The following SERPINF1 variants were observed in gnomAD, a reference collection of about 807,000 sequenced individuals.
SERPINF1 encodes pigment epithelium-derived factor.
Under a neutral mutation model 37.3 loss-of-function variants are expected in SERPINF1, and 29 were observed. The observed-to-expected ratio is 0.78, with a 90% CI of 0.58 to 1.06. The LOEUF (loss-of-function observed/expected upper bound fraction) is 1.06, where lower values mean the gene tolerates loss of function less well. Among genes scored for constraint, SERPINF1 ranks in the 50% least tolerant of loss-of-function variants. The pLI is 0.00. For synonymous variants in SERPINF1, 281 were observed against 227.9 expected (o/e 1.23, Z -2.10); for missense variants, 553 against 532.2 (o/e 1.04, Z -0.38).
At chr17:1,764,657 T>C (rs984345805) in intron 1 of SERPINF1, among the ~76,000 whole-genome samples, 2 of 152,182 alleles carry the variant, frequency 1.3e-5, no homozygotes, top group African/African-American at 4.8e-5. Flanking sequence ...TCTGATTTAA[T>C]TTGAAGGACG....
At chr17:1,771,625 G>A in intron 4 of SERPINF1, 1 of 553,694 alleles carries the variant, frequency 1.8e-6, no homozygotes, top group Non-Finnish European at 3.3e-6. Context: ...GGCTCAGAAA[G>A]AGGAAGTGGG....
At chr17:1,764,532 T>C (rs546375374) in intron 1 of SERPINF1, among the ~76,000 whole-genome samples, 1 of 152,404 alleles carries the variant, frequency 6.6e-6, no homozygotes, top group East Asian at 1.9e-4. Flanking sequence ...GGTCTGCGGC[T>C]CGAGGCGGGG....
chr17:1,770,148 G>A (rs769605685), intron 3 of SERPINF1, 98 bp downstream of exon 3: 57 of 1,353,712 alleles, frequency 4.2e-5, no homozygotes, highest in Non-Finnish European at 5.8e-5. Flanking sequence ...TCAGTTCAGC[G>A]AGGGGTGAAG....
chr17:1,777,501 C>T lies in SERPINF1; in HGVS notation c.*55C>T. On this transcript the variant is annotated 3_prime_UTR_variant, in exon 8 of 8. Coordinates refer to ENST00000254722, the MANE Select transcript of SERPINF1 (RefSeq NM_002615.7). ...AAGAAAACCCGAGGGACAGCAGATT[C>T]CACAGGACACGAAGGCTGCCCCTGT... is the stretch of plus-strand genomic sequence containing the variant. The T allele has an allele frequency of 6.2e-7, 1 of 1,610,006 alleles. No individual in the cohort carries two copies. The highest frequency in any genetic ancestry group is 1.1e-5 in the South Asian group (1 of 90,856).
chr17:1,775,247 T>C lies in SERPINF1; in HGVS notation c.786+47T>C, dbSNP rs756079641. On this transcript the variant is annotated intron_variant, in intron 6 of 7. Transcript: ENST00000254722. ...GTGGGGGGTGGATGGAGGGAGAGGA[T>C]AGAGAAGCAAAACAGGGTAGTGGGA... The C allele has an allele frequency of 7.6e-6, 12 of 1,586,980 alleles. No homozygotes were observed. The African/African-American group carries it at 1.1e-4, about 14-fold the overall frequency.
At chr17:1,775,975 G>A (rs564598757) in intron 6 of SERPINF1, among the ~76,000 whole-genome samples, 2 of 152,306 alleles carry the variant, frequency 1.3e-5, no homozygotes, top group African/African-American at 2.4e-5. Flanking sequence ...AGGGAGCACC[G>A]CCAGGTGTGC....
chr17:1,766,985 C>G lies in SERPINF1; in HGVS notation c.75C>G (p.Pro25=). 6.4e-7 allele frequency: 1 copy of G among 1,554,780 alleles called. No individual in the cohort carries two copies. Among genetic ancestry groups the G allele is most frequent in the Non-Finnish European group, 8.7e-7 (1 of 1,148,838 alleles). The change falls in exon 2 of 8, where the codon CCC becomes CCG. Residue 25 remains proline, a synonymous_variant. Transcript: ENST00000254722. ...GCAGCTGCCAGAACCCTGCCAGCCCCCCGGAGGAGGTCAGTAGGCAGGCGG... is the reference window on the plus strand; with the variant it reads ...GCAGCTGCCAGAACCCTGCCAGCCCGCCGGAGGAGGTCAGTAGGCAGGCGG... ...GHSSCQNPAS[P]PEEGSPDPDS...
At chr17:1,775,269 G>A in intron 6 of SERPINF1, 69 bp downstream of exon 6, 2 of 1,520,824 alleles carry the variant, frequency 1.3e-6, no homozygotes, top group East Asian at 2.3e-5. Context: ...ACAGGGTAGT[G>A]GGAATAAAAT....
chr17:1,773,099 G>A (rs900901158), intron 5 of SERPINF1, among the ~76,000 whole-genome samples: 1 of 152,190 alleles, frequency 6.6e-6, no homozygotes, highest in Admixed American at 6.6e-5. Flanking sequence ...AACTGTGCTT[G>A]CCTGAAGCTT....
At chr17:1,770,268 C>T (rs192477953) in intron 3 of SERPINF1, among the ~76,000 whole-genome samples, 48 of 152,254 alleles carry the variant, frequency 3.2e-4, no homozygotes, top group Non-Finnish European at 6.0e-4. Flanking sequence ...ACTGACATGG[C>T]GCTTGGCCTC....
chr17:1,769,269 CATG>C (rs1341528483), intron 2 of SERPINF1, among the ~76,000 whole-genome samples: 2 of 151,916 alleles, frequency 1.3e-5, no homozygotes. Context: ...ATTACCCAGG[CATG>C]GTGGTGGGCG....
intron 5 of SERPINF1, among the ~76,000 whole-genome samples, chr17:1,773,092 T>C (rs548946864): frequency 6.6e-6 from 1 of 152,278 alleles, no homozygotes; most frequent in Non-Finnish European, 1.5e-5. Flanking sequence ...ATCTGGGAAC[T>C]GTGCTTGCCT....
chr17:1,769,054 A>G (rs947647296), intron 2 of SERPINF1, among the ~76,000 whole-genome samples: 1 of 147,730 alleles, frequency 6.8e-6, no homozygotes, highest in African/African-American at 2.5e-5. Flanking sequence ...TGATTCACCC[A>G]CCTCAGCCTC....
chr17:1,771,439 C>T (rs941763073), intron 4 of SERPINF1, among the ~76,000 whole-genome samples: 3 of 151,920 alleles, frequency 2.0e-5, no homozygotes, highest in East Asian at 1.9e-4. Context: ...GGGGTTTCAC[C>T]GTGTTTGCCA....
intron 1 of SERPINF1, chr17:1,766,200 C>A (rs1907357326): frequency 6.6e-6 from 1 of 152,364 alleles, no homozygotes. Context: ...TGTGCTGGGC[C>A]ATACTCCACG....
chr17:1,768,679 G>A (rs925341816), intron 2 of SERPINF1, among the ~76,000 whole-genome samples: 1 of 151,754 alleles, frequency 6.6e-6, no homozygotes, highest in African/African-American at 2.4e-5. Flanking sequence ...GCCTCACCAT[G>A]TTGCTCAGGT....
chr17:1,765,677 G>C (rs1340205257), intron 1 of SERPINF1, among the ~76,000 whole-genome samples: 1 of 151,950 alleles, frequency 6.6e-6, no homozygotes, highest in Non-Finnish European at 1.5e-5. Flanking sequence ...AGAAAAAATG[G>C]TGATTTAAAG....
chr17:1,765,692 A>G (rs1018300364), intron 1 of SERPINF1, among the ~76,000 whole-genome samples: 5 of 152,090 alleles, frequency 3.3e-5, no homozygotes, highest in African/African-American at 9.7e-5. Context: ...TTAAAGAGCT[A>G]CTAAGACACA....
chr17:1,765,806 ATGGTTG>A, intron 1 of SERPINF1, among the ~76,000 whole-genome samples: 1 of 147,006 alleles, frequency 6.8e-6, no homozygotes, highest in Non-Finnish European at 1.5e-5. Context: ...GTGGAGTGCT[ATGGTTG>A]TGTAGTGAAT....
Sources: allele counts gnomAD v4.1 joint callset (sites outside exome capture counted in the v4.1 genomes callset), GRCh38; gene constraint gnomAD v4.1.1; transcripts MANE v1.5; gene names NCBI Gene and HGNC (gene_info 2026-07-23, HGNC 2026-07-21).